The following CCSER1 variants were observed in gnomAD, a reference collection of about 807,000 sequenced individuals.
CCSER1 encodes the protein coiled-coil serine rich protein 1, also known as serine-rich coiled-coil domain-containing protein 1.
A neutral mutation model predicts 82.0 loss-of-function variants in CCSER1; 41 were observed. The observed-to-expected ratio is 0.50, with a 90% CI of 0.39 to 0.65. The LOEUF is 0.65. Ranked by LOEUF, CCSER1 falls within the 30% of genes least tolerant of loss-of-function variation. CCSER1 has a pLI of 0.00. For synonymous variants in CCSER1, 414 were observed against 383.9 expected (o/e 1.08, Z -0.92); for missense variants, 1,119 against 1,064.2 (o/e 1.05, Z -0.72).
chr4:90,806,349 A>G (rs553153873), intron 7 of CCSER1, among the ~76,000 whole-genome samples: 2 of 152,330 alleles, frequency 1.3e-5, no homozygotes, highest in Non-Finnish European at 2.9e-5. Context: ...TGGGAATAAA[A>G]TCTGAGAATT....
At chr4:90,334,301 C>T (rs73832763) in intron 3 of CCSER1, among the ~76,000 whole-genome samples, 3,623 of 151,880 alleles carry the variant, frequency 0.024, 144 homozygotes, top group East Asian at 0.19. Flanking sequence ...AAGTCAGGAG[C>T]GATTGACTTT....
intron 10 of CCSER1, among the ~76,000 whole-genome samples, chr4:91,496,564 G>GTGTATATA (rs1553946156): frequency 5.7e-5 from 1 of 17,630 alleles, no homozygotes; most frequent in Non-Finnish European, 1.5e-4. Context: ...CATAAATCTT[G>GTGTATATA]TATATATATA....
At chr4:90,868,061 C>A (rs1003390657) in intron 8 of CCSER1, among the ~76,000 whole-genome samples, 2 of 151,848 alleles carry the variant, frequency 1.3e-5, no homozygotes, top group African/African-American at 4.8e-5. Flanking sequence ...ATTTTTAATT[C>A]TTGTGGATAC....
At chr4:91,178,557 A>G (rs994557133) in intron 10 of CCSER1, among the ~76,000 whole-genome samples, 4 of 152,162 alleles carry the variant, frequency 2.6e-5, no homozygotes, top group Non-Finnish European at 5.9e-5. Flanking sequence ...CTTTACCATT[A>G]TGTAATGGCC....
chr4:91,177,782 A>AT (rs1213860969), intron 10 of CCSER1, among the ~76,000 whole-genome samples: 5 of 151,970 alleles, frequency 3.3e-5, no homozygotes, highest in African/African-American at 1.2e-4. Context: ...GGATTCATTG[A>AT]TTTTTTGAAG....
intron 5 of CCSER1, among the ~76,000 whole-genome samples, chr4:90,534,020 G>A (rs1774959076): frequency 6.6e-6 from 1 of 152,202 alleles, no homozygotes; most frequent in Non-Finnish European, 1.5e-5. Context: ...TCAGTACCAG[G>A]TCTTCGAGTT....
intron 10 of CCSER1, among the ~76,000 whole-genome samples, chr4:91,593,060 T>TGGGGGAGGGGAG (rs1309330041): frequency 0.028 from 4,261 of 152,242 alleles, no homozygotes; most frequent in African/African-American, 0.095. Context: ...CCCTCCCCCA[T>TGGGGGAGGGGAG]AAATTCTATC....
chr4:90,587,559 A>G (rs1281708609), intron 5 of CCSER1, among the ~76,000 whole-genome samples: 1 of 152,146 alleles, frequency 6.6e-6, no homozygotes, highest in Non-Finnish European at 1.5e-5. Context: ...GATACAGTAC[A>G]TGATTATTAA....
At chr4:90,537,396 C>T (rs1775541937) in intron 5 of CCSER1, among the ~76,000 whole-genome samples, 1 of 151,860 alleles carries the variant, frequency 6.6e-6, no homozygotes, top group African/African-American at 2.4e-5. Flanking sequence ...AGTTTTTTCT[C>T]ATTTGGACAT....
chr4:90,338,026 T>C (rs1231879243), intron 3 of CCSER1, among the ~76,000 whole-genome samples: 4 of 152,204 alleles, frequency 2.6e-5, no homozygotes, highest in Non-Finnish European at 5.9e-5. Flanking sequence ...TGAAGCCATA[T>C]TGATGAATTT....
intron 7 of CCSER1, among the ~76,000 whole-genome samples, chr4:90,725,307 G>T (rs529979802): frequency 6.6e-6 from 1 of 151,394 alleles, no homozygotes; most frequent in Non-Finnish European, 1.5e-5. Flanking sequence ...TTTAACAGAG[G>T]TTAAAAAAGG....
In CCSER1 at chr4:90,755,056, C is replaced by G. The variant is rs189261280; in HGVS notation, c.2010+31065C>G. Among the ~76,000 whole-genome samples the G allele has an allele frequency of 3.3e-5, 5 of 152,196 alleles. No individual in the cohort carries two copies. The East Asian group carries it at 9.7e-4, about 29-fold the overall frequency. On this transcript the variant is annotated intron_variant, in intron 7 of 10. Transcript: ENST00000509176. ...AGGAAATGGGGAAGGAGAAAAAAAC[C>G]ATACTTGCTAGCTGAGTTAGCTTCA...
chr4:90,306,246 C>A (rs1049541536), intron 1 of CCSER1, among the ~76,000 whole-genome samples: 3 of 152,044 alleles, frequency 2.0e-5, no homozygotes, highest in African/African-American at 7.2e-5. Context: ...TTCAGTTAGA[C>A]AGGAGAAATA....
chr4:90,189,526 A>G (rs570880288), intron 1 of CCSER1, among the ~76,000 whole-genome samples: 1 of 151,950 alleles, frequency 6.6e-6, no homozygotes, highest in Non-Finnish European at 1.5e-5. Flanking sequence ...AGATGTGTGT[A>G]TGTATGTATA....
chr4:91,303,736 A>C (rs1299433424), intron 10 of CCSER1, among the ~76,000 whole-genome samples: 1 of 152,038 alleles, frequency 6.6e-6, no homozygotes, highest in Non-Finnish European at 1.5e-5. Flanking sequence ...TCAAGGTTGC[A>C]GTGAGCTGTG....
chr4:91,197,894 T>C (rs1735581427), intron 10 of CCSER1, among the ~76,000 whole-genome samples: 1 of 152,082 alleles, frequency 6.6e-6, no homozygotes, highest in Non-Finnish European at 1.5e-5. Context: ...GCTATATCTT[T>C]TTTTTTTGTC....
intron 10 of CCSER1, among the ~76,000 whole-genome samples, chr4:91,232,642 A>G (rs533846765): frequency 3.3e-5 from 5 of 151,832 alleles, no homozygotes; most frequent in Non-Finnish European, 5.9e-5. Flanking sequence ...TTTATATCAC[A>G]TATATACAAT....
chr4:90,969,570 A>G (rs973199140), intron 9 of CCSER1, among the ~76,000 whole-genome samples: 1 of 152,032 alleles, frequency 6.6e-6, no homozygotes, highest in Non-Finnish European at 1.5e-5. Context: ...TAAGAAATAA[A>G]GAAGAGATAA....
chr4:90,807,455 T>G (rs866744916), intron 7 of CCSER1, among the ~76,000 whole-genome samples: 2 of 152,032 alleles, frequency 1.3e-5, no homozygotes, highest in South Asian at 2.1e-4. Flanking sequence ...AAAAGATATA[T>G]TAATAAATTA....
Sources: allele counts gnomAD v4.1 joint callset (sites outside exome capture counted in the v4.1 genomes callset), GRCh38; gene constraint gnomAD v4.1.1; transcripts MANE v1.5; gene names NCBI Gene and HGNC (gene_info 2026-07-23, HGNC 2026-07-21).